RANBP2: variants seen among roughly 807,000 people sequenced by gnomAD.
RANBP2 encodes the protein RAN binding protein 2.
A neutral mutation model predicts 303.6 loss-of-function variants in RANBP2; 57 were observed. The observed-to-expected ratio is 0.19, with a 90% confidence interval of 0.15 to 0.23. The LOEUF (loss-of-function observed/expected upper bound fraction) is 0.23, where lower values mean the gene tolerates loss of function less well. Among genes scored for constraint, RANBP2 ranks in the 10% least tolerant of loss-of-function variants. The pLI is 1.00. For synonymous variants in RANBP2, 1,167 were observed against 1,301.5 expected, an observed-to-expected ratio of 0.90 and a Z score of 2.23; for missense variants, 3,138 against 3,780.8, an observed-to-expected ratio of 0.83 and a Z score of 4.46.
chr2:109,713,888 T>C, the RANBP2 span, among the ~76,000 whole-genome samples: 2 of 152,246 alleles, frequency 1.3e-5, no homozygotes, highest in Admixed American at 1.3e-4. Context: ...CAACACCACA[T>C]GTGTGGGTTT....
chr2:109,496,781 G>C, the RANBP2 span, among the ~76,000 whole-genome samples: 1 of 107,858 alleles, frequency 9.3e-6, no homozygotes, highest in South Asian at 2.8e-4. Context: ...ACATGGCAAA[G>C]AGAAATCAGG....
At chr2:109,446,651 G>T in the RANBP2 span, among the ~76,000 whole-genome samples, 2 of 152,184 alleles carry the variant, frequency 1.3e-5, no homozygotes, top group Non-Finnish European at 2.9e-5. Flanking sequence ...AGGGGTGCTG[G>T]CACTGTGCCT....
the RANBP2 span, among the ~76,000 whole-genome samples, chr2:109,206,134 T>C: frequency 2.6e-5 from 4 of 152,110 alleles, no homozygotes; most frequent in African/African-American, 4.8e-5. Flanking sequence ...TCCCTGGAGG[T>C]TTTGCTTGGT....
At chr2:109,403,202 A>G in the RANBP2 span, among the ~76,000 whole-genome samples, 1 of 152,212 alleles carries the variant, frequency 6.6e-6, no homozygotes, top group Non-Finnish European at 1.5e-5. Flanking sequence ...GAAGCCTGGG[A>G]GCACAGCCTG....
At chr2:109,486,825 T>A in the RANBP2 span, among the ~76,000 whole-genome samples, 1 of 152,248 alleles carries the variant, frequency 6.6e-6, no homozygotes, top group South Asian at 2.1e-4. Context: ...GCCCATCACT[T>A]CCATGGAGGA....
At chr2:108,994,954 C>A in the RANBP2 span, among the ~76,000 whole-genome samples, 1 of 151,318 alleles carries the variant, frequency 6.6e-6, no homozygotes, top group Non-Finnish European at 1.5e-5. Flanking sequence ...CTCAGCCTCC[C>A]GAGTAGCAGG....
At chr2:108,950,358 C>T in the RANBP2 span, among the ~76,000 whole-genome samples, 1 of 151,926 alleles carries the variant, frequency 6.6e-6, no homozygotes, top group Non-Finnish European at 1.5e-5. Context: ...TCGAATGATC[C>T]TCCCGCCTCA....
the RANBP2 span, among the ~76,000 whole-genome samples, chr2:108,902,044 C>T: frequency 9.9e-5 from 15 of 152,114 alleles, no homozygotes; most frequent in Admixed American, 5.2e-4. Context: ...TCAAGACCAG[C>T]CTGGCCAACA....
the RANBP2 span, among the ~76,000 whole-genome samples, chr2:109,156,037 T>A: frequency 6.6e-6 from 1 of 152,246 alleles, no homozygotes; most frequent in East Asian, 1.9e-4. Context: ...ATTTTGCCCC[T>A]GCCTGAAATC....
At position 108,785,491 on chromosome 2, in the gene RANBP2, CTT is replaced by C. The variant is rs1301410410; in HGVS notation, c.*1594_*1595del. 2 of 152,174 alleles carry C rather than the reference CTT, an allele frequency of 1.3e-5. No homozygotes were observed. The highest frequency in any genetic ancestry group is 2.4e-5 in the African/African-American group (1 of 41,448). The allele number at this position is 152,174 out of a possible 1,614,324, so 9.4% of individuals were successfully genotyped here. A position where few individuals can be genotyped will look rare whatever the true frequency, so the allele number is the denominator to read the frequency against. On this transcript the variant is annotated 3_prime_UTR_variant, in exon 29 of 29. Transcript: ENST00000283195. The stretch of plus-strand genomic sequence containing the variant: ...GTTAATGCAAGTGCTTTTTAAGAGA[CTT>C]TTTACAGATTTGTATGCTTTCCTAA...
At chr2:109,189,430 G>A in the RANBP2 span, among the ~76,000 whole-genome samples, 15 of 150,180 alleles carry the variant, frequency 1.0e-4, no homozygotes, top group African/African-American at 3.4e-4. Context: ...GTGCAATAGC[G>A]CTATCTCGGC....
At chr2:108,726,631 T>A (rs1428307486) in intron 1 of RANBP2, among the ~76,000 whole-genome samples, 2 of 151,826 alleles carry the variant, frequency 1.3e-5, no homozygotes, top group Non-Finnish European at 2.9e-5. Flanking sequence ...TTATTATTAT[T>A]ATTTTTTTAA....
chr2:109,194,652 G>C, the RANBP2 span, among the ~76,000 whole-genome samples: 1 of 152,178 alleles, frequency 6.6e-6, no homozygotes, highest in African/African-American at 2.4e-5. Flanking sequence ...AGGAAGAGAT[G>C]GGTTTGGTGA....
the RANBP2 span, chr2:109,347,963 C>A: frequency 1.3e-6 from 2 of 1,585,406 alleles, no homozygotes; most frequent in East Asian, 2.3e-5. Context: ...AGGTGAGCCC[C>A]GGGGTGGGCC....
the RANBP2 span, among the ~76,000 whole-genome samples, chr2:109,039,580 A>G: frequency 7.2e-5 from 11 of 151,948 alleles, 1 homozygote; most frequent in African/African-American, 2.7e-4. Flanking sequence ...CGATCTCTTG[A>G]CCTCGTGATC....
At chr2:109,515,487 T>G in the RANBP2 span, among the ~76,000 whole-genome samples, 1 of 152,196 alleles carries the variant, frequency 6.6e-6, no homozygotes, top group South Asian at 2.1e-4. Flanking sequence ...CCATTGGCAG[T>G]GCAGGCCCTT....
the RANBP2 span, among the ~76,000 whole-genome samples, chr2:109,601,838 A>G: frequency 6.6e-6 from 1 of 152,062 alleles, no homozygotes; most frequent in Non-Finnish European, 1.5e-5. Context: ...TCTACAAGTT[A>G]CTTTCTAGCA....
the RANBP2 span, among the ~76,000 whole-genome samples, chr2:109,320,114 T>C: frequency 6.6e-6 from 1 of 152,198 alleles, no homozygotes; most frequent in Non-Finnish European, 1.5e-5. Flanking sequence ...CAAGTCCTAC[T>C]AGTGCTCCTG....
chr2:108,758,383 A>T (rs1676479977), intron 17 of RANBP2, 30 bp from the exon 18 acceptor site: 2 of 1,611,754 alleles, frequency 1.2e-6, no homozygotes, highest in East Asian at 4.5e-5. Flanking sequence ...TAAATGTTTA[A>T]AATTATTTGA....
Sources: allele counts gnomAD v4.1 joint callset (sites outside exome capture counted in the v4.1 genomes callset), GRCh38; gene constraint gnomAD v4.1.1; transcripts MANE v1.5; gene names NCBI Gene and HGNC (gene_info 2026-07-23, HGNC 2026-07-21).